DMD: variants seen among roughly 807,000 people sequenced by gnomAD.
DMD encodes the protein dystrophin.
DMD carries 63 observed loss-of-function variants against 330.1 expected under a neutral mutation model. The observed-to-expected ratio is 0.19, with a 90% CI of 0.16 to 0.24. DMD has a LOEUF of 0.24. DMD is among the 10% of genes least tolerant of loss of function. The pLI is 1.00. For synonymous variants in DMD, 1,223 were observed against 959.8 expected (o/e 1.27, Z -5.07); for missense variants, 3,344 against 2,684.1 (o/e 1.25, Z -5.43).
intron 21 of DMD, among the ~76,000 whole-genome samples, chrX:32,473,708 CAT>C (rs768448989): frequency 1.1e-4 from 12 of 111,279 alleles, no homozygotes; most frequent in Non-Finnish European, 2.1e-4. Context: ...TTTGGGAACT[CAT>C]AAAAATGTTA....
At chrX:32,000,270 A>G (rs1293563377) in intron 44 of DMD, among the ~76,000 whole-genome samples, 2 of 112,144 alleles carry the variant, frequency 1.8e-5, no homozygotes, top group African/African-American at 6.5e-5. Context: ...AAACACCTTC[A>G]ATGCCTTCTA....
intron 7 of DMD, among the ~76,000 whole-genome samples, chrX:32,804,119 G>A (rs1177399331): frequency 8.1e-5 from 9 of 111,361 alleles, no homozygotes; most frequent in Admixed American, 6.7e-4. Context: ...GAACGCCAGC[G>A]AGACAGAACC....
intron 45 of DMD, among the ~76,000 whole-genome samples, chrX:31,954,345 C>A (rs2095220737): frequency 9.0e-6 from 1 of 111,419 alleles, no homozygotes; most frequent in Admixed American, 9.6e-5. Context: ...ATCTTTCAAC[C>A]TCTGAAACAC....
Position 32,334,948 on chromosome X carries a change from G to C in DMD, c.5922+7152C>G, listed in dbSNP as rs1015199852. Among the ~76,000 whole-genome samples the C allele has an allele frequency of 9.9e-5, 11 of 111,112 alleles. No homozygotes were observed. In the Admixed American group the frequency reaches 1.1e-3, roughly 11 times the overall value. ...CTCCCACCATGTTTTGGAAAGCAGTGAGTTCAAGTTTGGCGTCTTCCATTT... is the reference window on the plus strand; with the variant it reads ...CTCCCACCATGTTTTGGAAAGCAGTCAGTTCAAGTTTGGCGTCTTCCATTT... On this transcript the variant is annotated intron_variant, in intron 41 of 78. Coordinates refer to ENST00000357033, the MANE Select transcript of DMD (RefSeq NM_004006.3).
intron 44 of DMD, among the ~76,000 whole-genome samples, chrX:32,092,795 A>C (rs894478357): frequency 5.5e-5 from 5 of 90,682 alleles, no homozygotes; most frequent in African/African-American, 2.2e-4. Flanking sequence ...TATTTAGGGG[A>C]AGAGTGCCTT....
At chrX:33,079,143 G>A (rs949642038) in intron 1 of DMD, among the ~76,000 whole-genome samples, 1 of 111,491 alleles carries the variant, frequency 9.0e-6, no homozygotes, top group African/African-American at 3.3e-5. Context: ...CGATTCTCCT[G>A]CCTCGGTCTC....
intron 7 of DMD, among the ~76,000 whole-genome samples, chrX:32,733,626 A>C (rs1347320238): frequency 1.8e-5 from 2 of 111,727 alleles, no homozygotes; most frequent in African/African-American, 6.6e-5. Context: ...AAACCGCTCA[A>C]CTACATGGAA....
intron 37 of DMD, among the ~76,000 whole-genome samples, chrX:32,360,815 T>TAA (rs2097830143): frequency 9.3e-6 from 1 of 107,038 alleles, no homozygotes; most frequent in Non-Finnish European, 1.9e-5. Flanking sequence ...ATAATAATAA[T>TAA]AATAATAATA....
chrX:32,702,898 C>A (rs73209880), intron 7 of DMD, among the ~76,000 whole-genome samples: 18 of 111,433 alleles, frequency 1.6e-4, no homozygotes, highest in Admixed American at 2.9e-4. Context: ...GACAATAAAA[C>A]AAAGGAGGAA....
At chrX:33,015,628 A>G (rs1035537944) in intron 2 of DMD, among the ~76,000 whole-genome samples, 19 of 110,843 alleles carry the variant, frequency 1.7e-4, no homozygotes, top group African/African-American at 6.2e-4. Flanking sequence ...AAGTTTACCT[A>G]TATAACAAAC....
intron 18 of DMD, 21 bp downstream of exon 18, chrX:32,517,987 A>G (rs1603635323): frequency 1.7e-6 from 2 of 1,208,972 alleles, no homozygotes; most frequent in East Asian, 5.9e-5. Flanking sequence ...GTACAGATAT[A>G]AAAATTAATG....
At chrX:31,510,836 G>C (rs765717272) in intron 55 of DMD, among the ~76,000 whole-genome samples, 7 of 110,776 alleles carry the variant, frequency 6.3e-5, no homozygotes, top group Admixed American at 9.6e-5. Context: ...TTCTCATTTA[G>C]CATTGGGCAT....
chrX:32,565,626 T>C, intron 16 of DMD, 76 bp downstream of exon 16: 1 of 1,035,145 alleles, frequency 9.7e-7, no homozygotes. Flanking sequence ...TTTTGTAGGG[T>C]TATAATGTCA....
chrX:31,323,517 A>G lies in DMD; in HGVS notation c.9224+81T>C, dbSNP rs891406901. 53 of 865,300 alleles carry G rather than the reference A, an allele frequency of 6.1e-5. 2 individuals are homozygous for G. In the Middle Eastern group the frequency reaches 5.7e-3, roughly 93 times the overall value. 71.3% of individuals were successfully genotyped at this position (865,300 alleles called of 1,213,427 possible). ...GTATTGTAGGCCAGGCTAATGTCGC[A>G]TTTTAAAAATAAACTCACTTGTGAA... On this transcript the variant is annotated intron_variant, in intron 62 of 78. Coordinates refer to ENST00000357033, the MANE Select transcript of DMD (RefSeq NM_004006.3).
chrX:31,499,540 T>C (rs1305344250), intron 56 of DMD, among the ~76,000 whole-genome samples: 1 of 99,358 alleles, frequency 1.0e-5, no homozygotes, highest in African/African-American at 3.8e-5. Context: ...TCACCCAGGC[T>C]GGAGTGCAAT....
At position 31,953,070 on chromosome X, in the gene DMD, T is replaced by C. The variant is rs375934277; in HGVS notation, c.6614+15269A>G. Reference sequence around the variant, plus strand: ...TAAGACTTCCAAGTTTTGCTAAAGGTTCTTTATATGTGTTAAAGGGTATAT... The same window carrying C: ...TAAGACTTCCAAGTTTTGCTAAAGGCTCTTTATATGTGTTAAAGGGTATAT... On this transcript the variant is annotated intron_variant, in intron 45 of 78. Coordinates refer to ENST00000357033, the MANE Select transcript of DMD (RefSeq NM_004006.3). Among the ~76,000 whole-genome samples the C allele has an allele frequency of 5.3e-5, 6 of 112,645 alleles. No individual in the cohort carries two copies. The South Asian group carries it at 2.2e-3, about 41-fold the overall frequency.
chrX:33,160,402 A>C (rs1377587240), intron 1 of DMD, among the ~76,000 whole-genome samples: 1 of 111,453 alleles, frequency 9.0e-6, no homozygotes, highest in East Asian at 2.9e-4. Flanking sequence ...GGAAGGCTCT[A>C]CTTCCTCAGG....
intron 44 of DMD, among the ~76,000 whole-genome samples, chrX:32,068,374 A>ATTTTTTTT (rs749610367): frequency 1.6e-5 from 1 of 64,300 alleles, no homozygotes; most frequent in Admixed American, 1.9e-4. Context: ...CTTGCTTGTC[A>ATTTTTTTT]TTTTTTTTTT....
chrX:31,925,287 A>T (rs749442903), intron 47 of DMD, among the ~76,000 whole-genome samples: 50 of 112,195 alleles, frequency 4.5e-4, no homozygotes, highest in African/African-American at 1.6e-3. Flanking sequence ...TCACTTTTAT[A>T]TTTAAATAGA....
Sources: gnomAD v4.1 joint callset for allele counts (sites outside exome capture counted in the v4.1 genomes callset) on GRCh38, gnomAD v4.1.1 for gene constraint, MANE v1.5 for transcripts, NCBI Gene and HGNC (gene_info 2026-07-23, HGNC 2026-07-21) for gene names.